The following MRO variants were observed in gnomAD, a reference collection of about 807,000 sequenced individuals.
The protein encoded by MRO is maestro.
In MRO, 28 loss-of-function variants were observed where a neutral mutation model predicts 31.0. The ratio of observed to expected loss-of-function variants is 0.90; its 90% CI spans 0.67 to 1.24. The LOEUF is 1.24. Ranked by LOEUF, MRO falls within the 50% of genes most tolerant of loss-of-function variation. The probability of loss-of-function intolerance (pLI) is 0.00; values close to 1 mark genes in which losing one functional copy is unlikely to be tolerated. For synonymous variants in MRO, 108 were observed against 108.4 expected (o/e 1.00, Z 0.02); for missense variants, 332 against 289.2 (o/e 1.15, Z -1.07).
chr18:50,809,493 A>C, intron 2 of MRO, 89 bp from the exon 3 acceptor site: 5 of 861,356 alleles, frequency 5.8e-6, no homozygotes, highest in Non-Finnish European at 9.0e-6. Context: ...TGGGGTAAGA[A>C]TATAAAGAGG....
Position 50,819,564 on chromosome 18 carries a change from C to T in MRO, c.-5+17G>A. ...CTCCCGCTGCATCTGGCTGCCCCGG[C>T]CAACAGTGTCCCTTACCTGCGGCTC... is the stretch of plus-strand genomic sequence containing the variant. On this transcript the variant is annotated intron_variant, in intron 2 of 7. Transcript: ENST00000398439. 1 of 1,551,474 alleles carries T rather than the reference C, an allele frequency of 6.4e-7. No individual in the cohort carries two copies. Among genetic ancestry groups the T allele is most frequent in the Non-Finnish European group, 8.7e-7 (1 of 1,146,894 alleles).
At chr18:50,805,603 C>A (rs57754823) in intron 4 of MRO, among the ~76,000 whole-genome samples, 1,879 of 152,220 alleles carry the variant, frequency 0.012, 43 homozygotes, top group African/African-American at 0.043. Flanking sequence ...TCAAATAGGG[C>A]AGCAGACCTG....
rs114908531 is a variant in MRO, at chr18:50,815,635, T to C, written c.-5+3946A>G. The C allele has an allele frequency of 3.2e-3, 1,070 of 339,520 alleles. 13 individuals are homozygous for C. The highest frequency in any genetic ancestry group is 0.022 in the African/African-American group (1,008 of 45,784). The allele number at this position is 339,520 out of a possible 1,614,324, so 21.0% of individuals were successfully genotyped here. ...AAACAGCGATCAAATTATGAATGCA[T>C]GAAAGGGGGCAGTTTTGGTGGAAGA... On this transcript the variant is annotated intron_variant, in intron 2 of 7. Coordinates refer to ENST00000398439, the MANE Select transcript of MRO (RefSeq NM_031939.6).
Position 50,798,638 on chromosome 18 carries a change from T to G in MRO, c.*699A>C, listed in dbSNP as rs977486142. ...TTAAATAGAACTTACAAAAAGCACT[T>G]TGACCGTGCCCACTGAATTGTAAGC... On this transcript the variant is annotated 3_prime_UTR_variant, in exon 8 of 8. Transcript: ENST00000398439. 1 of 152,212 alleles carries G rather than the reference T, an allele frequency of 6.6e-6. No individual in the cohort carries two copies. Among genetic ancestry groups the G allele is most frequent in the Non-Finnish European group, 1.5e-5 (1 of 68,058 alleles). 9.4% of individuals were successfully genotyped at this position (152,212 alleles called of 1,614,324 possible). A position where few individuals can be genotyped will look rare whatever the true frequency, so the allele number is the denominator to read the frequency against.
chr18:50,814,889 C>G (rs2849240), intron 2 of MRO: 35,090 of 153,384 alleles, frequency 0.23, 4,377 homozygotes, highest in Non-Finnish European at 0.29. Flanking sequence ...GTGAAACCCC[C>G]GTCTCTACTA....
chr18:50,823,946 A>G (rs9962583), upstream of MRO: 49,505 of 156,304 alleles, frequency 0.32, 8,140 homozygotes, highest in Non-Finnish European at 0.37. Flanking sequence ...AAGCCAAGAT[A>G]TACACCATAT....
At chr18:50,805,486 A>G in intron 4 of MRO, 150 bp from the exon 5 acceptor site, 1 of 648,970 alleles carries the variant, frequency 1.5e-6, no homozygotes, top group Non-Finnish European at 2.6e-6. Context: ...ATTAAAATAC[A>G]AATGCTTCCA....
At chr18:50,820,119 C>T (rs1568139436), upstream of MRO, 1 of 665,092 alleles carries the variant, frequency 1.5e-6, no homozygotes, top group Admixed American at 2.7e-5. Context: ...CCAGGCGACC[C>T]CTGCACAAAG....
At chr18:50,799,604 A>G (rs1461277044) in intron 7 of MRO, among the ~76,000 whole-genome samples, 1 of 152,136 alleles carries the variant, frequency 6.6e-6, no homozygotes, top group Admixed American at 6.6e-5. Context: ...TGATGGGTCA[A>G]TTACAATCAA....
upstream of MRO, among the ~76,000 whole-genome samples, chr18:50,824,437 T>A (rs929124794): frequency 6.8e-6 from 1 of 148,060 alleles, no homozygotes; most frequent in African/African-American, 2.5e-5. Flanking sequence ...CAAGACACTG[T>A]CTTTTCTTTT....
At chr18:50,810,119 C>T (rs1289724449) in intron 2 of MRO, among the ~76,000 whole-genome samples, 1 of 152,158 alleles carries the variant, frequency 6.6e-6, no homozygotes, top group Non-Finnish European at 1.5e-5. Context: ...TGCATGCCAC[C>T]ACGCCCAATT....
At chr18:50,799,432 A>C in intron 7 of MRO, 42 bp from the exon 8 acceptor site, 1 of 1,560,640 alleles carries the variant, frequency 6.4e-7, no homozygotes, top group South Asian at 1.1e-5. Flanking sequence ...GCAGGATTCA[A>C]CAAACTTCCT....
At chr18:50,805,963 CTT>C (rs752108897) in intron 4 of MRO, among the ~76,000 whole-genome samples, 13 of 143,130 alleles carry the variant, frequency 9.1e-5, no homozygotes, top group Non-Finnish European at 1.4e-4. Context: ...AAGACTCTAT[CTT>C]TTTTTTTTTT....
At chr18:50,821,332 G>A (rs1915294783), upstream of MRO, among the ~76,000 whole-genome samples, 1 of 152,156 alleles carries the variant, frequency 6.6e-6, no homozygotes, top group Admixed American at 6.5e-5. Context: ...CAACTGGGAG[G>A]CAGCCACAGA....
At chr18:50,812,950 A>G (rs1409403543) in intron 2 of MRO, among the ~76,000 whole-genome samples, 1 of 152,204 alleles carries the variant, frequency 6.6e-6, no homozygotes, top group Non-Finnish European at 1.5e-5. Flanking sequence ...CCAGTGACAA[A>G]CTGCCTTGGT....
rs375247824 is a variant in MRO at position 50,805,235 on chromosome 18, G to A, written c.348C>T (p.Val116=). The change falls in exon 5 of 8, where the codon GTC becomes GTT. Residue 116 remains valine (V), a synonymous_variant. Coordinates refer to ENST00000398439, the MANE Select transcript of MRO (RefSeq NM_031939.6). ...VIHESMKTLT[V]VLGKIQGKGL... ...CTTTCCCCTGGATCTTGCCCAGAAC[G>A]ACGGTCAGAGTCTTCATACTCTCAT... 2.8e-5 allele frequency: 45 copies of A among 1,613,958 alleles called. No homozygotes were observed. In the African/African-American group the frequency reaches 2.8e-4, roughly 10 times the overall value.
chr18:50,817,041 C>G (rs1165497096), intron 2 of MRO, among the ~76,000 whole-genome samples: 1 of 152,186 alleles, frequency 6.6e-6, no homozygotes, highest in African/African-American at 2.4e-5. Context: ...CAGCCAGCAT[C>G]GCCTTCATAG....
chr18:50,819,036 C>T (rs1459764791), intron 2 of MRO, among the ~76,000 whole-genome samples: 1 of 148,872 alleles, frequency 6.7e-6, no homozygotes, highest in Non-Finnish European at 1.5e-5. Context: ...TTGGGCAACA[C>T]AACAAGACCC....
intron 2 of MRO, among the ~76,000 whole-genome samples, chr18:50,810,499 C>T (rs559893576): frequency 1.8e-4 from 27 of 152,196 alleles, no homozygotes; most frequent in Non-Finnish European, 2.6e-4. Context: ...ACACAAGAAA[C>T]ATTAAGAGAG....
Sources: allele counts gnomAD v4.1 joint callset (sites outside exome capture counted in the v4.1 genomes callset), GRCh38; gene constraint gnomAD v4.1.1; transcripts MANE v1.5; gene names NCBI Gene and HGNC (gene_info 2026-07-23, HGNC 2026-07-21).